The following PTPRD variants were observed in gnomAD, a reference collection of about 807,000 sequenced individuals.
PTPRD encodes protein tyrosine phosphatase receptor type D.
A neutral mutation model predicts 214.5 loss-of-function variants in PTPRD; 34 were observed. The ratio of observed to expected loss-of-function variants is 0.16; its 90% CI spans 0.12 to 0.21. The LOEUF (loss-of-function observed/expected upper bound fraction) is 0.21. Ranked by LOEUF, PTPRD falls within the 10% of genes least tolerant of loss-of-function variation. PTPRD has a pLI of 1.00. For missense variants in PTPRD, 2,545 were observed against 2,398.7 expected (o/e 1.06, Z -1.27); for synonymous variants, 1,128 against 845.7 (o/e 1.33, Z -5.79).
At chr9:8,780,306 C>T (rs12350351) in intron 11 of PTPRD, among the ~76,000 whole-genome samples, 17,026 of 152,086 alleles carry the variant, frequency 0.11, 1,011 homozygotes, top group Non-Finnish European at 0.13. Context: ...CAATCCATCC[C>T]TTTTCCCCGA....
chr9:9,359,413 T>A (rs1227627991), intron 9 of PTPRD, among the ~76,000 whole-genome samples: 1 of 151,310 alleles, frequency 6.6e-6, no homozygotes, highest in Non-Finnish European at 1.5e-5. Context: ...TGTCCCCTGA[T>A]AAGAGGTTGT....
intron 10 of PTPRD, among the ~76,000 whole-genome samples, chr9:9,085,171 C>T (rs892852640): frequency 1.3e-5 from 2 of 151,786 alleles, no homozygotes; most frequent in African/African-American, 4.9e-5. Context: ...GTGACTTTCT[C>T]TTTCTGTCAT....
intron 3 of PTPRD, among the ~76,000 whole-genome samples, chr9:10,169,900 A>G (rs1428685689): frequency 6.6e-6 from 1 of 152,200 alleles, no homozygotes; most frequent in East Asian, 1.9e-4. Context: ...AAAATATTAG[A>G]TTTAGTTTAT....
intron 11 of PTPRD, among the ~76,000 whole-genome samples, chr9:8,953,752 C>A (rs979818458): frequency 1.3e-5 from 2 of 152,016 alleles, no homozygotes; most frequent in African/African-American, 4.8e-5. Context: ...AAAAAATGTT[C>A]CACATCACTA....
At chr9:9,699,586 T>C (rs1288980832) in intron 7 of PTPRD, among the ~76,000 whole-genome samples, 1 of 152,174 alleles carries the variant, frequency 6.6e-6, no homozygotes, top group Non-Finnish European at 1.5e-5. Flanking sequence ...ATACAGCTAC[T>C]TAAAATATCC....
At chr9:9,213,719 C>T (rs2099950331) in intron 9 of PTPRD, among the ~76,000 whole-genome samples, 1 of 152,222 alleles carries the variant, frequency 6.6e-6, no homozygotes, top group Non-Finnish European at 1.5e-5. Flanking sequence ...ACATGAGACA[C>T]TTTCATGTGA....
intron 7 of PTPRD, among the ~76,000 whole-genome samples, chr9:9,694,635 T>G (rs1169934190): frequency 6.6e-6 from 1 of 152,114 alleles, no homozygotes; most frequent in Admixed American, 6.5e-5. Context: ...CTGATGTTGC[T>G]GACCTGATGT....
intron 2 of PTPRD, among the ~76,000 whole-genome samples, chr9:10,503,735 G>C (rs1240581555): frequency 1.3e-5 from 2 of 152,014 alleles, no homozygotes; most frequent in African/African-American, 4.8e-5. Context: ...TATGGTGGGT[G>C]AGACAATTAT....
At chr9:8,350,370 T>G (rs1008515507) in intron 39 of PTPRD, among the ~76,000 whole-genome samples, 4 of 152,100 alleles carry the variant, frequency 2.6e-5, no homozygotes, top group African/African-American at 7.2e-5. Context: ...AAATATGGAC[T>G]AAAAAAATCA....
At chr9:8,452,415 G>C (rs1201551496) in intron 33 of PTPRD, among the ~76,000 whole-genome samples, 1 of 152,130 alleles carries the variant, frequency 6.6e-6, no homozygotes, top group Non-Finnish European at 1.5e-5. Flanking sequence ...ATACTAAAGA[G>C]TTTTAAAACG....
At chr9:9,772,329 C>T (rs1325822800) in intron 5 of PTPRD, among the ~76,000 whole-genome samples, 1 of 152,110 alleles carries the variant, frequency 6.6e-6, no homozygotes, top group African/African-American at 2.4e-5. Context: ...ACATACATTT[C>T]TGTGGTTTAA....
intron 14 of PTPRD, among the ~76,000 whole-genome samples, chr9:8,612,548 C>CA (rs1449013995): frequency 2.6e-5 from 4 of 152,126 alleles, no homozygotes; most frequent in Non-Finnish European, 5.9e-5. Flanking sequence ...GGTCACTTGT[C>CA]AGTTATTACA....
At chr9:8,356,404 T>A (rs945436261) in intron 39 of PTPRD, among the ~76,000 whole-genome samples, 1 of 152,188 alleles carries the variant, frequency 6.6e-6, no homozygotes, top group African/African-American at 2.4e-5. Context: ...TAGTTTGAAA[T>A]AGAAAGTTTT....
intron 9 of PTPRD, among the ~76,000 whole-genome samples, chr9:9,350,397 T>C (rs1264738355): frequency 2.0e-5 from 3 of 152,066 alleles, no homozygotes; most frequent in Non-Finnish European, 4.4e-5. Flanking sequence ...TCTGATTTTC[T>C]CAATAGTTTG....
At chr9:8,845,085 G>C (rs1601679768) in intron 11 of PTPRD, among the ~76,000 whole-genome samples, 1 of 151,416 alleles carries the variant, frequency 6.6e-6, no homozygotes, top group Admixed American at 6.6e-5. Context: ...ATAGTTTAAT[G>C]TCTGGTGCTT....
At chr9:8,803,309 T>C (rs547128569) in intron 11 of PTPRD, among the ~76,000 whole-genome samples, 22 of 152,248 alleles carry the variant, frequency 1.4e-4, no homozygotes, top group Middle Eastern at 3.4e-3. Context: ...TATACCATAA[T>C]TATTAGGCTT....
At chr9:10,160,137 G>A (rs1389165797) in intron 3 of PTPRD, among the ~76,000 whole-genome samples, 1 of 152,002 alleles carries the variant, frequency 6.6e-6, no homozygotes, top group Admixed American at 6.6e-5. Flanking sequence ...AAATGAATGG[G>A]TAGAGAATGA....
intron 37 of PTPRD, among the ~76,000 whole-genome samples, chr9:8,387,123 C>G (rs1175104830): frequency 6.6e-6 from 1 of 152,156 alleles, no homozygotes; most frequent in East Asian, 1.9e-4. Context: ...TTTTAATTGG[C>G]TTCCTTAGGC....
intron 9 of PTPRD, among the ~76,000 whole-genome samples, chr9:9,365,348 T>G (rs1240792668): frequency 6.6e-6 from 1 of 151,558 alleles, no homozygotes; most frequent in Admixed American, 6.6e-5. Flanking sequence ...TAGTTGGTAT[T>G]AGCCTTAATA....
Sources: gnomAD v4.1 joint callset for allele counts (sites outside exome capture counted in the v4.1 genomes callset) on GRCh38, gnomAD v4.1.1 for gene constraint, MANE v1.5 for transcripts, NCBI Gene and HGNC (gene_info 2026-07-23, HGNC 2026-07-21) for gene names.